The following SPECC1 variants were observed in gnomAD, a reference collection of about 807,000 sequenced individuals.
SPECC1 encodes the protein sperm antigen with calponin homology and coiled-coil domains 1.
SPECC1 carries 62 observed loss-of-function variants against 104.1 expected under a neutral mutation model. The ratio of observed to expected loss-of-function variants is 0.60; its 90% CI spans 0.49 to 0.74. The LOEUF (loss-of-function observed/expected upper bound fraction) is 0.74, where lower values mean the gene tolerates loss of function less well. Among genes scored for constraint, SPECC1 ranks in the 30% least tolerant of loss-of-function variants. SPECC1 has a pLI of 0.00. For missense variants in SPECC1, 1,306 were observed against 1,310.5 expected (o/e 1.00, Z 0.05); for synonymous variants, 513 against 501.6 (o/e 1.02, Z -0.30).
At chr17:20,195,265 A>G (rs2035951841) in intron 3 of SPECC1, among the ~76,000 whole-genome samples, 2 of 152,212 alleles carry the variant, frequency 1.3e-5, no homozygotes, top group Admixed American at 1.3e-4. Context: ...TCATCTCTGG[A>G]TGATAAAAAG....
intron 4 of SPECC1, among the ~76,000 whole-genome samples, chr17:20,209,489 G>A (rs1315915935): frequency 6.6e-6 from 1 of 152,156 alleles, no homozygotes; most frequent in East Asian, 1.9e-4. Context: ...ATAGGAGGTA[G>A]GTGTCTTCCT....
intron 7 of SPECC1, among the ~76,000 whole-genome samples, chr17:20,234,060 C>T (rs1445264772): frequency 2.0e-5 from 3 of 152,154 alleles, no homozygotes; most frequent in African/African-American, 7.2e-5. Flanking sequence ...GAGACACAGG[C>T]CAGACCATGC....
chr17:20,039,848 C>T (rs772517988), intron 1 of SPECC1, among the ~76,000 whole-genome samples: 1 of 152,080 alleles, frequency 6.6e-6, no homozygotes, highest in Admixed American at 6.6e-5. Flanking sequence ...TGAGTCACTG[C>T]ACTCAGCCCA....
intron 3 of SPECC1, among the ~76,000 whole-genome samples, chr17:20,175,218 G>T (rs898950604): frequency 3.3e-5 from 5 of 152,146 alleles, no homozygotes; most frequent in African/African-American, 1.2e-4. Flanking sequence ...TCATCATCAC[G>T]TTAGAACCCC....
chr17:20,224,831 C>T (rs1414981346), intron 4 of SPECC1, among the ~76,000 whole-genome samples: 2 of 151,844 alleles, frequency 1.3e-5, no homozygotes, highest in African/African-American at 4.8e-5. Context: ...GATGAAGTCC[C>T]CTTTACTCTT....
intron 3 of SPECC1, among the ~76,000 whole-genome samples, chr17:20,162,763 C>T (rs1041548088): frequency 6.6e-6 from 1 of 152,170 alleles, no homozygotes; most frequent in African/African-American, 2.4e-5. Context: ...TGCAGTGGCT[C>T]ACGCCTGTAA....
At chr17:20,209,909 C>T (rs2037023745) in intron 4 of SPECC1, among the ~76,000 whole-genome samples, 1 of 152,150 alleles carries the variant, frequency 6.6e-6, no homozygotes, top group African/African-American at 2.4e-5. Flanking sequence ...TATTTATTCC[C>T]GTGAGGTTGA....
At chr17:20,109,184 A>C (rs569330984) in intron 2 of SPECC1, among the ~76,000 whole-genome samples, 164 of 152,356 alleles carry the variant, frequency 1.1e-3, no homozygotes, top group Middle Eastern at 6.8e-3. Context: ...CAAATATTTA[A>C]ACTTCTAACT....
chr17:20,199,074 T>C (rs2036226575), intron 3 of SPECC1, among the ~76,000 whole-genome samples: 2 of 147,398 alleles, frequency 1.4e-5, no homozygotes, highest in African/African-American at 5.0e-5. Flanking sequence ...CAGGATCTTA[T>C]GGTAGCTTTT....
chr17:20,185,264 G>A (rs2035186251), intron 3 of SPECC1: 1 of 152,278 alleles, frequency 6.6e-6, no homozygotes, highest in Non-Finnish European at 1.5e-5. Context: ...TCTACTTCTT[G>A]AATTTGGGCA....
At position 20,227,586 on chromosome 17, in the gene SPECC1, G is replaced by C. The variant is rs549927417; in HGVS notation, c.2037G>C (p.Lys679Asn). 2.5e-6 allele frequency: 4 copies of C among 1,611,118 alleles called. No homozygotes were observed. The highest frequency in any genetic ancestry group is 2.7e-5 in the African/African-American group (2 of 74,698). The change falls in exon 5 of 15, where the codon AAG becomes AAC. Residue 679 changes from lysine to asparagine, a missense_variant. By Grantham distance (94) the Lys-to-Asn change is moderately conservative (BLOSUM62 0). Coordinates refer to ENST00000395527, the MANE Select transcript of SPECC1 (RefSeq NM_001243439.2). The stretch of plus-strand genomic sequence containing the variant: ...AGGTGGAACAGCACCGGGCTGTCAA[G>C]TTACACAATAATCAACTCATCAGTG... Reference protein sequence around the residue: ...EDQVEQHRAVKLHNNQLISEL... With the variant: ...EDQVEQHRAVNLHNNQLISEL...
rs1215850153 is a variant in SPECC1 at position 20,205,716 on chromosome 17, C to CT, written c.1668dup (p.His557SerfsTer5). ...AAAATGGAGAATGGATCTTTGAAGT[C>CT]TCATTTGCAGGGTGAGAAGCAGAAA... On this transcript the variant is annotated frameshift_variant, in exon 4 of 15. Coordinates refer to ENST00000395527, the MANE Select transcript of SPECC1 (RefSeq NM_001243439.2). LOFTEE classifies it high-confidence loss of function. The CT allele has an allele frequency of 6.2e-7, 1 of 1,614,146 alleles. No homozygotes were observed. Among genetic ancestry groups the CT allele is most frequent in the Admixed American group, 1.7e-5 (1 of 60,022 alleles).
intron 3 of SPECC1, among the ~76,000 whole-genome samples, chr17:20,132,940 T>C (rs35041742): frequency 0.31 from 46,729 of 151,766 alleles, 8,531 homozygotes; most frequent in Middle Eastern, 0.42. Context: ...GGGGTTTCAC[T>C]GTGTTAGGCA....
intron 3 of SPECC1, among the ~76,000 whole-genome samples, chr17:20,149,871 A>G (rs897312903): frequency 1.3e-5 from 2 of 152,252 alleles, no homozygotes; most frequent in African/African-American, 4.8e-5. Context: ...AAATCGAAAT[A>G]TATAATGTAC....
At chr17:20,228,696 G>T (rs77257188) in intron 5 of SPECC1, among the ~76,000 whole-genome samples, 1 of 152,318 alleles carries the variant, frequency 6.6e-6, no homozygotes, top group East Asian at 1.9e-4. Context: ...ACTTCTAGAT[G>T]TTTGCCACTT....
At chr17:20,145,025 C>T (rs1296537992) in intron 3 of SPECC1, among the ~76,000 whole-genome samples, 2 of 152,180 alleles carry the variant, frequency 1.3e-5, no homozygotes, top group African/African-American at 2.4e-5. Flanking sequence ...GTTCAAGATT[C>T]TCTCCTTAAA....
intron 1 of SPECC1, among the ~76,000 whole-genome samples, chr17:20,033,307 C>T (rs757956621): frequency 3.3e-5 from 5 of 152,042 alleles, no homozygotes; most frequent in Non-Finnish European, 7.4e-5. Flanking sequence ...TTTTCAGATA[C>T]TGTATTGTAG....
rs374568395 is a variant in SPECC1 at position 20,047,818 on chromosome 17, C to T, written c.-22+38394C>T. Among the ~76,000 whole-genome samples, 163 of 152,060 alleles carry T rather than the reference C, an allele frequency of 1.1e-3. 4 individuals carry two copies. In the South Asian group the frequency reaches 0.033, roughly 31 times the overall value. Reference sequence around the variant, plus strand: ...TTCACCGTGTTAGCCAGGATGGTCTCGATCTCCTGACCCTGTGGTCCCCCC... The same window carrying T: ...TTCACCGTGTTAGCCAGGATGGTCTTGATCTCCTGACCCTGTGGTCCCCCC... On this transcript the variant is annotated intron_variant, in intron 1 of 14. Coordinates refer to ENST00000395527, the MANE Select transcript of SPECC1 (RefSeq NM_001243439.2).
chr17:20,094,822 A>T (rs917825534), intron 1 of SPECC1, among the ~76,000 whole-genome samples: 1 of 152,142 alleles, frequency 6.6e-6, no homozygotes, highest in Non-Finnish European at 1.5e-5. Context: ...CTGGTCTCAA[A>T]CTCCTAGACT....
Sources: gnomAD v4.1 joint callset for allele counts (sites outside exome capture counted in the v4.1 genomes callset) on GRCh38, gnomAD v4.1.1 for gene constraint, MANE v1.5 for transcripts, NCBI Gene and HGNC (gene_info 2026-07-23, HGNC 2026-07-21) for gene names.